The following WDR27 variants were observed in gnomAD, a reference collection of about 807,000 sequenced individuals.
WDR27 encodes WD repeat domain 27.
A neutral mutation model predicts 114.4 loss-of-function variants in WDR27; 100 were observed. That is an observed-to-expected ratio of 0.87 (90% CI 0.74 to 1.03). WDR27 has a LOEUF of 1.03. Ranked by LOEUF, WDR27 falls within the 50% of genes least tolerant of loss-of-function variation. The probability of loss-of-function intolerance (pLI) is 0.00; values close to 1 mark genes in which losing one functional copy is unlikely to be tolerated. For missense variants in WDR27, 1,129 were observed against 1,092.9 expected (o/e 1.03, Z -0.47); for synonymous variants, 449 against 423.1 (o/e 1.06, Z -0.75).
At chr6:169,496,044 A>G (rs1471707165) in intron 25 of WDR27, among the ~76,000 whole-genome samples, 1 of 152,130 alleles carries the variant, frequency 6.6e-6, no homozygotes, top group Non-Finnish European at 1.5e-5. Flanking sequence ...AGAACTTAAC[A>G]GCATATTAAA....
intron 25 of WDR27, among the ~76,000 whole-genome samples, chr6:169,483,140 C>G (rs1204800127): frequency 6.6e-6 from 1 of 152,102 alleles, no homozygotes; most frequent in Non-Finnish European, 1.5e-5. Flanking sequence ...GAAGCAAGAG[C>G]AAACCAACCC....
At chr6:169,456,670 A>G (rs1487697689), downstream of WDR27, among the ~76,000 whole-genome samples, 2 of 152,194 alleles carry the variant, frequency 1.3e-5, no homozygotes, top group Admixed American at 1.3e-4. The surrounding 1 kb of genome is among the most constrained non-coding windows in gnomAD (Gnocchi z 4.0). Flanking sequence ...AGGAGGGCCC[A>G]GAAGCCATGC....
intron 25 of WDR27, among the ~76,000 whole-genome samples, chr6:169,465,927 T>C (rs967622496): frequency 6.6e-6 from 1 of 152,134 alleles, no homozygotes; most frequent in Non-Finnish European, 1.5e-5. Context: ...AAGATAGAAT[T>C]GTGGAGAGGG....
At chr6:169,656,967 C>A (rs1157777481) in intron 13 of WDR27, among the ~76,000 whole-genome samples, 2 of 152,310 alleles carry the variant, frequency 1.3e-5, no homozygotes, top group East Asian at 3.9e-4. Context: ...CCGCCTCCCC[C>A]CGGCCTTCAT....
intron 21 of WDR27, among the ~76,000 whole-genome samples, chr6:169,630,837 T>A (rs1420350101): frequency 6.6e-6 from 1 of 152,174 alleles, no homozygotes; most frequent in Non-Finnish European, 1.5e-5. Context: ...GAGGTTGCAG[T>A]GAGCCGAGAT....
At chr6:169,617,063 G>A (rs1812000089) in intron 21 of WDR27, among the ~76,000 whole-genome samples, 1 of 152,216 alleles carries the variant, frequency 6.6e-6, no homozygotes, top group Non-Finnish European at 1.5e-5. Context: ...AATGCACAAT[G>A]TTGCTGAAGC....
the WDR27 span, chr6:169,427,172 C>T: frequency 6.6e-6 from 1 of 152,366 alleles, no homozygotes; most frequent in Non-Finnish European, 1.5e-5. Flanking sequence ...CTTTGCAGGA[C>T]TGAGCAGGTG....
Position 169,696,652 on chromosome 6 carries a change from C to T in WDR27, c.-8+4899G>A, listed in dbSNP as rs150745627. Reference sequence around the variant, plus strand: ...AGCAGACGCCGGGCACAGTGGCTCACGCCTGTATTCCCAGCACTTTGGGAG... The same window carrying T: ...AGCAGACGCCGGGCACAGTGGCTCATGCCTGTATTCCCAGCACTTTGGGAG... On this transcript the variant is annotated intron_variant, in intron 1 of 25. Transcript: ENST00000448612. Among the ~76,000 whole-genome samples the T allele has an allele frequency of 6.6e-5, 10 of 152,338 alleles. No individual in the cohort carries two copies. In the East Asian group the frequency reaches 1.2e-3, roughly 18 times the overall value.
chr6:169,642,166 A>C (rs1368645271), intron 17 of WDR27, among the ~76,000 whole-genome samples: 1 of 152,030 alleles, frequency 6.6e-6, no homozygotes, highest in Non-Finnish European at 1.5e-5. Flanking sequence ...AAATAAAGAC[A>C]CTCATTTTTC....
chr6:169,438,637 G>A, the WDR27 span, among the ~76,000 whole-genome samples: 20 of 151,994 alleles, frequency 1.3e-4, no homozygotes, highest in Non-Finnish European at 2.1e-4. Context: ...TCATAATCTT[G>A]GACACATACT....
Position 169,615,384 on chromosome 6 carries a change from C to T in WDR27, c.2224-1728G>A, listed in dbSNP as rs137949270. Among the ~76,000 whole-genome samples, 636 of 152,292 alleles carry T rather than the reference C, an allele frequency of 4.2e-3. 3 individuals are homozygous for T. The highest frequency in any genetic ancestry group is 0.015 in the African/African-American group (614 of 41,550). ...TGCTCCTCTCCCTCCTCCCACCCTC[C>T]ACCCTCAAGCAGACCCCAGTGTCTG... is the stretch of plus-strand genomic sequence containing the variant. On this transcript the variant is annotated intron_variant, in intron 21 of 25. Coordinates refer to ENST00000448612, the MANE Select transcript of WDR27 (RefSeq NM_182552.5).
chr6:169,537,829 G>A (rs568113393), intron 25 of WDR27, among the ~76,000 whole-genome samples: 22 of 152,174 alleles, frequency 1.4e-4, no homozygotes, highest in South Asian at 4.2e-4. Flanking sequence ...GACAAAAGCC[G>A]GGGGAAATGG....
At chr6:169,548,526 T>C (rs562886732) in intron 25 of WDR27, among the ~76,000 whole-genome samples, 1 of 152,320 alleles carries the variant, frequency 6.6e-6, no homozygotes, top group Non-Finnish European at 1.5e-5. Context: ...ACTGTATGTA[T>C]GAAAAGCAAA....
intron 17 of WDR27, among the ~76,000 whole-genome samples, chr6:169,639,634 T>C (rs1023891633): frequency 3.9e-5 from 6 of 152,200 alleles, no homozygotes; most frequent in Non-Finnish European, 4.4e-5. Context: ...TGTGCTGCTC[T>C]GATATTAAAC....
At chr6:169,497,784 C>T (rs1013674937) in intron 25 of WDR27, among the ~76,000 whole-genome samples, 1 of 151,884 alleles carries the variant, frequency 6.6e-6, no homozygotes, top group Non-Finnish European at 1.5e-5. Flanking sequence ...AAATTTGGAC[C>T]CTGTACACTG....
At chr6:169,576,766 C>CAA (rs34375216) in intron 24 of WDR27, among the ~76,000 whole-genome samples, 2,783 of 137,450 alleles carry the variant, frequency 0.02, 24 homozygotes, top group Non-Finnish European at 0.029. Flanking sequence ...CCCTTTCTCA[C>CAA]AAAAAAAAAA....
At chr6:169,629,330 A>T (rs1300507500) in intron 21 of WDR27, among the ~76,000 whole-genome samples, 2 of 152,352 alleles carry the variant, frequency 1.3e-5, no homozygotes, top group South Asian at 2.1e-4. Flanking sequence ...ATTGAAAAAA[A>T]ATCTCAGCCT....
At chr6:169,583,250 A>G (rs1189988342) in intron 23 of WDR27, among the ~76,000 whole-genome samples, 2 of 150,532 alleles carry the variant, frequency 1.3e-5, no homozygotes, top group Non-Finnish European at 3.0e-5. Flanking sequence ...ATTTTAAGGA[A>G]GGAGTATAGA....
chr6:169,577,343 C>T (rs1201284026), intron 24 of WDR27, among the ~76,000 whole-genome samples: 1 of 152,186 alleles, frequency 6.6e-6, no homozygotes, highest in Non-Finnish European at 1.5e-5. Context: ...ATGGCGCCCC[C>T]CGATGTCCAC....
Sources: allele counts gnomAD v4.1 joint callset (sites outside exome capture counted in the v4.1 genomes callset), GRCh38; gene constraint gnomAD v4.1.1; non-coding constraint Gnocchi (gnomAD v3.1); transcripts MANE v1.5; gene names NCBI Gene and HGNC (gene_info 2026-07-23, HGNC 2026-07-21).